Variants in ZEB1 observed in about 807,000 individuals in gnomAD.
ZEB1 encodes zinc finger E-box binding homeobox 1.
ZEB1 carries 21 observed loss-of-function variants against 84.9 expected under a neutral mutation model. The observed-to-expected ratio is 0.25, with a 90% CI of 0.18 to 0.36. The LOEUF (loss-of-function observed/expected upper bound fraction) is 0.36. ZEB1 is among the 10% of genes least tolerant of loss of function. The pLI is 1.00. For synonymous variants in ZEB1, 420 were observed against 471.1 expected, an observed-to-expected ratio of 0.89 and a Z score of 1.41; for missense variants, 1,104 against 1,330.2, an observed-to-expected ratio of 0.83 and a Z score of 2.65.
At chr10:31,437,578 C>G (rs1366666986) in intron 1 of ZEB1, among the ~76,000 whole-genome samples, 2 of 152,130 alleles carry the variant, frequency 1.3e-5, no homozygotes, top group African/African-American at 4.8e-5. Context: ...AAACTAGGCT[C>G]AGGGAATTAG....
chr10:31,450,872 G>T (rs1343999510), intron 1 of ZEB1, among the ~76,000 whole-genome samples: 1 of 148,278 alleles, frequency 6.7e-6, no homozygotes, highest in African/African-American at 2.6e-5. Context: ...TTAGGACTGA[G>T]CGTGTGTGTG....
At chr10:31,491,525 T>C (rs2066524636) in intron 2 of ZEB1, among the ~76,000 whole-genome samples, 1 of 151,850 alleles carries the variant, frequency 6.6e-6, no homozygotes, top group Non-Finnish European at 1.5e-5. Context: ...ACTTTCAGGT[T>C]TTAAGCTCCC....
intron 4 of ZEB1, among the ~76,000 whole-genome samples, chr10:31,505,688 T>C (rs1215156640): frequency 6.6e-6 from 1 of 151,962 alleles, no homozygotes; most frequent in Non-Finnish European, 1.5e-5. Flanking sequence ...TTGTTACCTT[T>C]TCAAAAAAAC....
chr10:31,505,940 G>A (rs2068902073), intron 4 of ZEB1, among the ~76,000 whole-genome samples: 1 of 151,706 alleles, frequency 6.6e-6, no homozygotes, highest in South Asian at 2.1e-4. Flanking sequence ...GATATGTTCT[G>A]TTTTGATTTT....
chr10:31,340,000 T>A (rs1023653307), intron 1 of ZEB1, among the ~76,000 whole-genome samples: 3 of 152,182 alleles, frequency 2.0e-5, no homozygotes, highest in Admixed American at 6.5e-5. Flanking sequence ...GAGAACAAAT[T>A]ATACCCCTGG....
intron 1 of ZEB1, among the ~76,000 whole-genome samples, chr10:31,337,013 G>GT (rs2038226389): frequency 1.3e-5 from 2 of 152,072 alleles, no homozygotes; most frequent in African/African-American, 4.8e-5. Context: ...GTATGTAGTT[G>GT]TTTATACAGT....
intron 1 of ZEB1, among the ~76,000 whole-genome samples, chr10:31,427,012 G>A (rs1301040329): frequency 1.3e-5 from 2 of 151,918 alleles, no homozygotes; most frequent in Non-Finnish European, 2.9e-5. Flanking sequence ...ATTAAGAATA[G>A]GAAAATACCA....
intron 1 of ZEB1, among the ~76,000 whole-genome samples, chr10:31,394,599 G>A (rs921289222): frequency 6.6e-6 from 1 of 152,178 alleles, no homozygotes; most frequent in Non-Finnish European, 1.5e-5. Flanking sequence ...TGTATATGGA[G>A]GATATTGCCT....
intron 1 of ZEB1, among the ~76,000 whole-genome samples, chr10:31,328,754 A>G (rs1564474784): frequency 1.3e-5 from 2 of 152,160 alleles, no homozygotes; most frequent in South Asian, 2.1e-4. Context: ...ACTTTTATGT[A>G]TAACATTGAC....
chr10:31,333,643 GAAGA>G (rs1229005368), intron 1 of ZEB1, among the ~76,000 whole-genome samples: 4 of 151,856 alleles, frequency 2.6e-5, no homozygotes, highest in African/African-American at 9.7e-5. Context: ...TAAAGAAGCT[GAAGA>G]AAGAAAACAT....
intron 1 of ZEB1, among the ~76,000 whole-genome samples, chr10:31,408,424 C>T (rs2053564298): frequency 6.6e-6 from 1 of 151,872 alleles, no homozygotes; most frequent in African/African-American, 2.4e-5. Context: ...CAGAAAAGAG[C>T]CTGCATCGCC....
intron 3 of ZEB1, among the ~76,000 whole-genome samples, chr10:31,501,529 A>T (rs1359190268): frequency 3.3e-5 from 5 of 152,168 alleles, no homozygotes; most frequent in Admixed American, 3.3e-4. Flanking sequence ...CTTACTATAG[A>T]TAATTATTAA....
chr10:31,493,561 C>G (rs574651085), intron 2 of ZEB1, among the ~76,000 whole-genome samples: 1 of 151,856 alleles, frequency 6.6e-6, no homozygotes, highest in South Asian at 2.1e-4. Flanking sequence ...TACTTTACTC[C>G]CCTTTTAATT....
At chr10:31,464,270 G>A (rs533093456) in intron 2 of ZEB1, among the ~76,000 whole-genome samples, 18 of 151,950 alleles carry the variant, frequency 1.2e-4, no homozygotes, top group Admixed American at 4.6e-4. Flanking sequence ...GGAGAATGGC[G>A]TGAACCCGGG....
At chr10:31,471,679 A>AG (rs1202638879) in intron 2 of ZEB1, among the ~76,000 whole-genome samples, 12 of 147,932 alleles carry the variant, frequency 8.1e-5, no homozygotes, top group Admixed American at 1.3e-4. Flanking sequence ...AAGGATACCC[A>AG]GGAATTGAAC....
At chr10:31,477,923 A>G (rs1177284531) in intron 2 of ZEB1, among the ~76,000 whole-genome samples, 1 of 152,028 alleles carries the variant, frequency 6.6e-6, no homozygotes, top group African/African-American at 2.4e-5. Context: ...AAGAAAACCT[A>G]GGAAAAACTA....
At chr10:31,329,061 C>T (rs1246943729) in intron 1 of ZEB1, among the ~76,000 whole-genome samples, 1 of 151,986 alleles carries the variant, frequency 6.6e-6, no homozygotes, top group African/African-American at 2.4e-5. Flanking sequence ...AGATATACCA[C>T]TATGCATGTA....
chr10:31,427,858 C>CAAA (rs60403022), intron 1 of ZEB1, among the ~76,000 whole-genome samples: 1 of 119,390 alleles, frequency 8.4e-6, no homozygotes, highest in Non-Finnish European at 1.8e-5. Context: ...GACTCCATCT[C>CAAA]AAAAAAAAAA....
intron 1 of ZEB1, among the ~76,000 whole-genome samples, chr10:31,435,859 C>A (rs1011229373): frequency 1.2e-4 from 18 of 152,242 alleles, no homozygotes; most frequent in African/African-American, 4.3e-4. Context: ...TAAATGGAAA[C>A]AAGGGACCAA....
Sources: allele counts gnomAD v4.1 joint callset (sites outside exome capture counted in the v4.1 genomes callset), GRCh38; gene constraint gnomAD v4.1.1; transcripts MANE v1.5; gene names NCBI Gene and HGNC (gene_info 2026-07-23, HGNC 2026-07-21).